EML6: variants seen among roughly 807,000 people sequenced by gnomAD.
EML6 encodes echinoderm microtubule-associated protein-like 6.
In EML6, 154 loss-of-function variants were observed where a neutral mutation model predicts 240.1. The ratio of observed to expected loss-of-function variants is 0.64; its 90% confidence interval spans 0.56 to 0.73. The LOEUF (loss-of-function observed/expected upper bound fraction) is 0.73, where lower values mean the gene tolerates loss of function less well. Ranked by LOEUF, EML6 falls within the 30% of genes least tolerant of loss-of-function variation. EML6 has a pLI of 0.00. For missense variants in EML6, 2,964 were observed against 2,474.6 expected (o/e 1.20, Z -4.20); for synonymous variants, 1,148 against 899.0 (o/e 1.28, Z -4.95).
intron 2 of EML6, among the ~76,000 whole-genome samples, chr2:54,740,803 T>C (rs1157864050): frequency 3.3e-5 from 5 of 152,082 alleles, no homozygotes; most frequent in Non-Finnish European, 5.9e-5. Flanking sequence ...AGAGTAGATA[T>C]GAACACATTC....
Position 54,859,615 on chromosome 2 carries a change from G to C in EML6, c.1739G>C (p.Ser580Thr), listed in dbSNP as rs79941121. 2.8e-4 allele frequency: 427 copies of C among 1,551,402 alleles called. 2 individuals carry two copies. In the East Asian group the frequency reaches 8.6e-3, roughly 31 times the overall value. ...RWSHDFQWVL[S>T]TGGADHSVFQ... ...TCCCATGACTTTCAGTGGGTGTTGAGCACAGGAGGGGCTGATCACTCAGTT... is the reference window on the plus strand; with the variant it reads ...TCCCATGACTTTCAGTGGGTGTTGACCACAGGAGGGGCTGATCACTCAGTT... Residue 580 changes from serine (S) to threonine (T), a missense_variant, in exon 12 of 42, where the codon AGC becomes ACC. By Grantham distance (58) the Ser-to-Thr change is moderately conservative. Transcript: ENST00000356458.
intron 35 of EML6, among the ~76,000 whole-genome samples, chr2:54,960,754 A>C (rs1378924800): frequency 6.6e-6 from 1 of 152,174 alleles, no homozygotes; most frequent in African/African-American, 2.4e-5. Flanking sequence ...AAGGGCCACC[A>C]AACTGTCTGA....
intron 9 of EML6, among the ~76,000 whole-genome samples, chr2:54,849,680 G>T (rs545032125): frequency 2.0e-5 from 3 of 152,298 alleles, no homozygotes; most frequent in African/African-American, 7.2e-5. Context: ...CATAGAGATA[G>T]GGTTTCACCT....
chr2:54,946,727 G>A (rs1322481233), intron 28 of EML6, among the ~76,000 whole-genome samples: 1 of 152,200 alleles, frequency 6.6e-6, no homozygotes, highest in Non-Finnish European at 1.5e-5. Context: ...TGAACATCCA[G>A]TACTAAGTGT....
At chr2:54,796,847 G>A (rs865858195) in intron 2 of EML6, among the ~76,000 whole-genome samples, 1 of 152,072 alleles carries the variant, frequency 6.6e-6, no homozygotes, top group Admixed American at 6.5e-5. Flanking sequence ...AAATGATTCA[G>A]ACAAGGACTC....
intron 2 of EML6, among the ~76,000 whole-genome samples, chr2:54,798,616 C>T (rs1023432547): frequency 3.3e-5 from 5 of 152,108 alleles, no homozygotes; most frequent in Non-Finnish European, 5.9e-5. Flanking sequence ...AATTGATTTT[C>T]GTATATGATC....
At chr2:54,960,461 G>T (rs1483677239) in intron 35 of EML6, 127 bp downstream of exon 35, 2 of 683,934 alleles carry the variant, frequency 2.9e-6, no homozygotes, top group African/African-American at 3.6e-5. Context: ...CATGAATTGT[G>T]CTGTAGTGGG....
At chr2:54,884,873 T>A (rs996463022) in intron 17 of EML6, among the ~76,000 whole-genome samples, 3 of 152,200 alleles carry the variant, frequency 2.0e-5, no homozygotes, top group Admixed American at 6.5e-5. Context: ...GAGATTTTCC[T>A]CCAATCAAGA....
chr2:54,820,945 C>T lies in EML6; in HGVS notation c.525+483C>T, dbSNP rs536324586. ...ACCATTGGTTTTTAAACGCCCCAAT[C>T]TTCCTCTAGACTACACTCTCATCTG... On this transcript the variant is annotated intron_variant, in intron 5 of 41. Coordinates refer to ENST00000356458, the MANE Select transcript of EML6 (RefSeq NM_001039753.4). 6.6e-5 allele frequency among the ~76,000 whole-genome samples: 10 copies of T among 152,244 alleles called. No homozygotes were observed. The South Asian group carries it at 2.1e-3, about 32-fold the overall frequency.
At chr2:54,740,682 T>C (rs555688430) in intron 2 of EML6, among the ~76,000 whole-genome samples, 2 of 152,018 alleles carry the variant, frequency 1.3e-5, no homozygotes, top group Non-Finnish European at 2.9e-5. Context: ...TTCAGCTTAA[T>C]GACTTCTATC....
intron 24 of EML6, among the ~76,000 whole-genome samples, chr2:54,908,250 C>T (rs1448285747): frequency 1.3e-5 from 2 of 150,160 alleles, no homozygotes; most frequent in Non-Finnish European, 3.0e-5. Flanking sequence ...CACTCTGTCA[C>T]CCAGGTTGGA....
At chr2:54,814,793 T>C (rs948713697) in intron 3 of EML6, among the ~76,000 whole-genome samples, 4 of 152,242 alleles carry the variant, frequency 2.6e-5, no homozygotes, top group East Asian at 1.9e-4. Context: ...CATTTTTCTT[T>C]CTAGAACTAG....
intron 2 of EML6, among the ~76,000 whole-genome samples, chr2:54,752,223 C>T (rs969169992): frequency 6.6e-6 from 1 of 151,936 alleles, no homozygotes; most frequent in African/African-American, 2.4e-5. Flanking sequence ...ACTCATTAAA[C>T]AAAATTTTAA....
chr2:54,861,010 C>T (rs1670643982), intron 12 of EML6, among the ~76,000 whole-genome samples: 1 of 152,198 alleles, frequency 6.6e-6, no homozygotes, highest in African/African-American at 2.4e-5. Flanking sequence ...CCCCTTGGAG[C>T]AGTGCAGAAA....
chr2:54,917,878 A>G (rs1422684894), intron 26 of EML6, among the ~76,000 whole-genome samples: 1 of 151,968 alleles, frequency 6.6e-6, no homozygotes, highest in East Asian at 1.9e-4. Flanking sequence ...TCTTCCTTCA[A>G]CTGTCTAGTC....
chr2:54,861,071 G>T (rs1425761520), intron 12 of EML6, among the ~76,000 whole-genome samples: 1 of 152,164 alleles, frequency 6.6e-6, no homozygotes, highest in Non-Finnish European at 1.5e-5. Context: ...GGGGCTTACA[G>T]CATACACTTC....
intron 2 of EML6, among the ~76,000 whole-genome samples, chr2:54,764,982 C>G (rs1370093223): frequency 1.3e-5 from 2 of 152,110 alleles, no homozygotes; most frequent in Non-Finnish European, 2.9e-5. Flanking sequence ...GAATAGTTAG[C>G]TAATATTTTT....
At chr2:54,830,596 C>T (rs1029519368) in intron 7 of EML6, among the ~76,000 whole-genome samples, 11 of 152,126 alleles carry the variant, frequency 7.2e-5, no homozygotes, top group African/African-American at 1.9e-4. Context: ...TTCCATAGGC[C>T]AGATCATGTG....
At chr2:54,936,888 T>C (rs1675160541) in intron 28 of EML6, among the ~76,000 whole-genome samples, 1 of 152,068 alleles carries the variant, frequency 6.6e-6, no homozygotes, top group Admixed American at 6.6e-5. Flanking sequence ...ACCTAAAGCA[T>C]ATTTTTTTCC....
Sources: gnomAD v4.1 joint callset for allele counts (sites outside exome capture counted in the v4.1 genomes callset) on GRCh38, gnomAD v4.1.1 for gene constraint, MANE v1.5 for transcripts, NCBI Gene and HGNC (gene_info 2026-07-23, HGNC 2026-07-21) for gene names.